Variants in GRIA2 observed in about 807,000 individuals in gnomAD.
GRIA2 encodes glutamate ionotropic receptor AMPA type subunit 2.
In GRIA2, 14 loss-of-function variants were observed where a neutral mutation model predicts 97.3. That is an observed-to-expected ratio of 0.14 (90% CI 0.10 to 0.23). The LOEUF (loss-of-function observed/expected upper bound fraction) is 0.23, where lower values mean the gene tolerates loss of function less well. Ranked by LOEUF, GRIA2 falls within the 10% of genes least tolerant of loss-of-function variation. The probability of loss-of-function intolerance (pLI) is 1.00; values close to 1 mark genes in which losing one functional copy is unlikely to be tolerated. For synonymous variants in GRIA2, 412 were observed against 387.8 expected (o/e 1.06, Z -0.73); for missense variants, 558 against 1,069.8 (o/e 0.52, Z 6.67).
rs1235946600 is a variant in GRIA2 at position 157,233,932 on chromosome 4, T to A, written c.229+12125T>A. Among the ~76,000 whole-genome samples the A allele has an allele frequency of 3.9e-5, 6 of 152,276 alleles. No individual in the cohort carries two copies. The South Asian group carries it at 6.2e-4, about 16-fold the overall frequency. On this transcript the variant is annotated intron_variant, in intron 2 of 15. Transcript: ENST00000264426. Reference sequence around the variant, plus strand: ...GTGATTTGTTCTTAGCTGCTATAAATTTGTGGAGAAGCTTTTGGCTACAAA... The same window carrying A: ...GTGATTTGTTCTTAGCTGCTATAAAATTGTGGAGAAGCTTTTGGCTACAAA...
At chr4:157,355,915 T>TAACATA (rs373136040) in intron 12 of GRIA2, among the ~76,000 whole-genome samples, 1 of 44,842 alleles carries the variant, frequency 2.2e-5, no homozygotes, top group Non-Finnish European at 4.7e-5. Flanking sequence ...ATATATATAT[T>TAACATA]AATATATTTA....
chr4:157,318,097 G>A (rs1476105211), intron 5 of GRIA2, among the ~76,000 whole-genome samples: 4 of 151,906 alleles, frequency 2.6e-5, no homozygotes, highest in African/African-American at 9.7e-5. Context: ...TATTATAAAT[G>A]ATATAAGAAT....
chr4:157,277,921 T>C (rs963983228), intron 2 of GRIA2, among the ~76,000 whole-genome samples: 2 of 145,020 alleles, frequency 1.4e-5, no homozygotes, highest in Non-Finnish European at 3.0e-5. Context: ...TATATATATG[T>C]ATATATATAT....
chr4:157,317,581 A>C (rs1298897859), intron 4 of GRIA2, 77 bp from the exon 5 acceptor site: 6 of 569,660 alleles, frequency 1.1e-5, no homozygotes, highest in Non-Finnish European at 1.9e-5. Context: ...TTTTTCCCTG[A>C]ATCAGATCAT....
At chr4:157,316,430 T>C (rs1348119934) in intron 4 of GRIA2, among the ~76,000 whole-genome samples, 3 of 152,178 alleles carry the variant, frequency 2.0e-5, no homozygotes, top group East Asian at 3.9e-4. Flanking sequence ...TTGTTCTTGC[T>C]CTTTAACTAA....
At chr4:157,285,311 T>A (rs1732787462) in intron 2 of GRIA2, among the ~76,000 whole-genome samples, 1 of 151,570 alleles carries the variant, frequency 6.6e-6, no homozygotes, top group Non-Finnish European at 1.5e-5. Context: ...TTCTAATTCA[T>A]TTTCACTTAT....
chr4:157,238,898 AT>A (rs1246715390), intron 2 of GRIA2, among the ~76,000 whole-genome samples: 1 of 152,148 alleles, frequency 6.6e-6, no homozygotes, highest in Non-Finnish European at 1.5e-5. Context: ...ACCTAAAAAT[AT>A]TTTTTGTTAT....
Position 157,220,785 on chromosome 4 carries a change from G to T in GRIA2, c.-258G>T, listed in dbSNP as rs983716142. The stretch of plus-strand genomic sequence containing the variant: ...TATTCCGAGACACTGGGACCACAGC[G>T]GCAGCTCCGCTGAAAACTGCATTCA... On this transcript the variant is annotated 5_prime_UTR_variant, in exon 1 of 16. Transcript: ENST00000264426. 1.5e-5 allele frequency: 8 copies of T among 533,720 alleles called. No individual in the cohort carries two copies. Among genetic ancestry groups the T allele is most frequent in the Non-Finnish European group, 2.4e-5 (7 of 297,046 alleles). The allele number at this position is 533,720 out of a possible 1,614,324, so 33.1% of individuals were successfully genotyped here. A position where few individuals can be genotyped will look rare whatever the true frequency, so the allele number is the denominator to read the frequency against.
At chr4:157,310,303 G>T (rs1191462153) in intron 3 of GRIA2, among the ~76,000 whole-genome samples, 1 of 151,972 alleles carries the variant, frequency 6.6e-6, no homozygotes, top group African/African-American at 2.4e-5. Context: ...TATATCTTTT[G>T]CCAGAAGACT....
At chr4:157,333,980 C>CAA (rs1185644182) in intron 8 of GRIA2, 30 bp from the exon 9 acceptor site, 1 of 989,488 alleles carries the variant, frequency 1.0e-6, no homozygotes, top group South Asian at 1.3e-5. Flanking sequence ...GTCATTTATC[C>CAA]ATACACCTGT....
chr4:157,355,021 A>G (rs1481750252), intron 12 of GRIA2, among the ~76,000 whole-genome samples: 3 of 152,146 alleles, frequency 2.0e-5, no homozygotes, highest in Non-Finnish European at 4.4e-5. Flanking sequence ...AAAACTTACA[A>G]TTAAGAGCTT....
Position 157,335,657 on chromosome 4 carries a change from G to A in GRIA2, c.1267-14G>A, listed in dbSNP as rs1392516759. The A allele has an allele frequency of 1.3e-6, 2 of 1,511,916 alleles. No homozygotes were observed. Among genetic ancestry groups the A allele is most frequent in the South Asian group, 2.2e-5 (2 of 88,980 alleles). 93.7% of individuals were successfully genotyped at this position (1,511,916 alleles called of 1,614,324 possible). ...AGATATTTTAATCAGCTAAAGCAAA[G>A]TCTTTTCATATAGGAATCTCCGTAT... On this transcript the variant is annotated splice_polypyrimidine_tract_variant and intron_variant, in intron 9 of 15. Transcript: ENST00000264426.
intron 4 of GRIA2, among the ~76,000 whole-genome samples, chr4:157,314,841 C>T (rs1005927446): frequency 1.3e-5 from 2 of 152,070 alleles, no homozygotes; most frequent in Non-Finnish European, 2.9e-5. Flanking sequence ...ATGGCCTCAG[C>T]AAACATTTAT....
At chr4:157,331,243 C>T (rs142736539) in intron 6 of GRIA2, among the ~76,000 whole-genome samples, 317 of 151,962 alleles carry the variant, frequency 2.1e-3, no homozygotes, top group African/African-American at 5.7e-3. Context: ...TAATATGCTA[C>T]GTGGATCTGA....
chr4:157,360,012 A>G lies in GRIA2; in HGVS notation c.2160A>G (p.Lys720=), dbSNP rs774342247. The change falls in exon 13 of 16, where the codon AAA becomes AAG. Residue 720 remains lysine (K), a synonymous_variant. Coordinates refer to ENST00000264426, the MANE Select transcript of GRIA2 (RefSeq NM_001083619.3). ...CTAGAGTGCGGAAGTCCAAAGGGAA[A>G]TATGCCTACTTGTTGGAGTCCACGA... is the stretch of plus-strand genomic sequence containing the variant. ...GVARVRKSKG[K]YAYLLESTMN... 7 of 1,613,862 alleles carry G rather than the reference A, an allele frequency of 4.3e-6. No individual in the cohort carries two copies. In the Admixed American group the frequency reaches 1.2e-4, roughly 27 times the overall value.
chr4:157,232,674 C>T (rs112076970), intron 2 of GRIA2, among the ~76,000 whole-genome samples: 1 of 152,066 alleles, frequency 6.6e-6, no homozygotes, highest in African/African-American at 2.4e-5. Flanking sequence ...GAGGGAAGGA[C>T]CATAAAATCC....
intron 2 of GRIA2, among the ~76,000 whole-genome samples, chr4:157,267,049 A>T (rs189328789): frequency 7.2e-5 from 11 of 152,002 alleles, no homozygotes; most frequent in African/African-American, 2.7e-4. Context: ...CTGCACTCAA[A>T]CCTGAGCAAT....
intron 2 of GRIA2, among the ~76,000 whole-genome samples, chr4:157,286,046 C>T (rs1732830576): frequency 6.6e-6 from 1 of 151,430 alleles, no homozygotes; most frequent in Non-Finnish European, 1.5e-5. Context: ...ACAAGAATAG[C>T]TAAGCTATAT....
At chr4:157,263,973 AAAT>A (rs1438232548) in intron 2 of GRIA2, among the ~76,000 whole-genome samples, 1 of 152,118 alleles carries the variant, frequency 6.6e-6, no homozygotes, top group East Asian at 1.9e-4. Flanking sequence ...TAAAAAATTT[AAAT>A]ATTATCTTTT....
Sources: gnomAD v4.1 joint callset for allele counts (sites outside exome capture counted in the v4.1 genomes callset) on GRCh38, gnomAD v4.1.1 for gene constraint, MANE v1.5 for transcripts, NCBI Gene and HGNC (gene_info 2026-07-23, HGNC 2026-07-21) for gene names.